The following L3MBTL4 variants were observed in gnomAD, a reference collection of about 807,000 sequenced individuals.
The protein encoded by L3MBTL4 is L3MBTL histone methyl-lysine binding protein 4.
L3MBTL4 carries 70 observed loss-of-function variants against 84.5 expected under a neutral mutation model. The observed-to-expected ratio is 0.83, with a 90% CI of 0.68 to 1.01. The LOEUF is 1.01. Among genes scored for constraint, L3MBTL4 ranks in the 50% least tolerant of loss-of-function variants. The pLI, the probability that L3MBTL4 is intolerant of heterozygous loss-of-function variation, is 0.00. For missense variants in L3MBTL4, 715 were observed against 754.8 expected, an observed-to-expected ratio of 0.95 and a Z score of 0.62; for synonymous variants, 274 against 259.8, an observed-to-expected ratio of 1.05 and a Z score of -0.52.
chr18:6,093,898 A>G (rs2058544094), intron 14 of L3MBTL4, among the ~76,000 whole-genome samples: 1 of 152,252 alleles, frequency 6.6e-6, no homozygotes, highest in Non-Finnish European at 1.5e-5. Context: ...ACTGTATCAG[A>G]AAAGACTATG....
chr18:6,333,589 A>C (rs1035734755), intron 1 of L3MBTL4, among the ~76,000 whole-genome samples: 13 of 152,090 alleles, frequency 8.5e-5, no homozygotes, highest in Non-Finnish European at 1.9e-4. Context: ...AAAAAAAAAA[A>C]ACCTAATTGT....
At chr18:6,032,670 A>T (rs1338260910) in intron 16 of L3MBTL4, among the ~76,000 whole-genome samples, 1 of 152,074 alleles carries the variant, frequency 6.6e-6, no homozygotes, top group Non-Finnish European at 1.5e-5. Context: ...ACTCTTCAAC[A>T]TGTTAAACTC....
At chr18:6,041,271 A>T (rs1475197995) in intron 16 of L3MBTL4, among the ~76,000 whole-genome samples, 1 of 152,210 alleles carries the variant, frequency 6.6e-6, no homozygotes, top group African/African-American at 2.4e-5. Flanking sequence ...GATCTACCTT[A>T]CTGCCCAGGT....
At chr18:6,145,336 T>C (rs570261033) in intron 13 of L3MBTL4, among the ~76,000 whole-genome samples, 2 of 152,314 alleles carry the variant, frequency 1.3e-5, no homozygotes, top group South Asian at 4.1e-4. Flanking sequence ...TCCTCCTCCT[T>C]CTAAGAATGT....
intron 12 of L3MBTL4, among the ~76,000 whole-genome samples, chr18:6,206,722 G>A (rs1254589794): frequency 6.6e-6 from 1 of 152,050 alleles, no homozygotes; most frequent in East Asian, 1.9e-4. Flanking sequence ...AATAAAAAGA[G>A]GGTTATCAAC....
intron 16 of L3MBTL4, among the ~76,000 whole-genome samples, chr18:5,970,822 G>T (rs573503497): frequency 2.6e-5 from 4 of 152,168 alleles, no homozygotes; most frequent in Admixed American, 2.6e-4. Flanking sequence ...AGGCTGACCT[G>T]CATGATCACA....
chr18:6,011,616 TG>T (rs927070212), intron 16 of L3MBTL4, among the ~76,000 whole-genome samples: 2 of 152,210 alleles, frequency 1.3e-5, no homozygotes, highest in African/African-American at 4.8e-5. Flanking sequence ...CCCAAGGTGT[TG>T]CCAGCATTTA....
At chr18:6,002,629 C>T (rs183199557) in intron 16 of L3MBTL4, among the ~76,000 whole-genome samples, 72 of 151,950 alleles carry the variant, frequency 4.7e-4, no homozygotes, top group Non-Finnish European at 5.9e-5. Flanking sequence ...TAAAGAGCTA[C>T]AATTTTAGGG....
chr18:6,023,503 T>C (rs1011525387), intron 16 of L3MBTL4, among the ~76,000 whole-genome samples: 1 of 152,152 alleles, frequency 6.6e-6, no homozygotes, highest in African/African-American at 2.4e-5. Flanking sequence ...TAGCTTTCTA[T>C]GAAATGAGAA....
At chr18:5,959,298 C>T (rs1284070818) in intron 18 of L3MBTL4, among the ~76,000 whole-genome samples, 1 of 152,194 alleles carries the variant, frequency 6.6e-6, no homozygotes. Flanking sequence ...CCTCACCTTC[C>T]TGGGCCTGAG....
intron 1 of L3MBTL4, among the ~76,000 whole-genome samples, chr18:6,318,620 GATTCATAAA>G (rs1356200105): frequency 1.3e-5 from 2 of 148,928 alleles, no homozygotes; most frequent in East Asian, 4.0e-4. Flanking sequence ...GGAGCTCCCA[GATTCATAAA>G]ACAATTACTA....
intron 16 of L3MBTL4, among the ~76,000 whole-genome samples, chr18:6,071,995 T>A (rs937431001): frequency 2.6e-5 from 4 of 151,956 alleles, no homozygotes; most frequent in African/African-American, 9.7e-5. Context: ...GAAATAAATA[T>A]AACAAACAAA....
intron 14 of L3MBTL4, among the ~76,000 whole-genome samples, chr18:6,124,222 T>C (rs892541445): frequency 6.6e-6 from 1 of 152,076 alleles, no homozygotes; most frequent in Non-Finnish European, 1.5e-5. Flanking sequence ...GGGATAGATG[T>C]AGAGGTTCCA....
chr18:6,049,598 A>G (rs1225556216), intron 16 of L3MBTL4, among the ~76,000 whole-genome samples: 1 of 152,256 alleles, frequency 6.6e-6, no homozygotes. Context: ...CATTATCTTA[A>G]GTGAATTAAC....
intron 5 of L3MBTL4, among the ~76,000 whole-genome samples, chr18:6,252,567 A>G (rs2047971256): frequency 6.6e-6 from 1 of 152,206 alleles, no homozygotes; most frequent in South Asian, 2.1e-4. Flanking sequence ...TTTTATTTTT[A>G]TACCCTTCTG....
intron 5 of L3MBTL4, among the ~76,000 whole-genome samples, chr18:6,254,882 G>C (rs1255037199): frequency 2.0e-5 from 3 of 152,058 alleles, no homozygotes; most frequent in Admixed American, 1.3e-4. Flanking sequence ...AACAAAGCAC[G>C]TACCGGAGCA....
At chr18:6,038,155 T>G (rs2056223793) in intron 16 of L3MBTL4, among the ~76,000 whole-genome samples, 1 of 151,756 alleles carries the variant, frequency 6.6e-6, no homozygotes, top group Non-Finnish European at 1.5e-5. Flanking sequence ...TGAGATTTAA[T>G]CAATATTGAT....
At chr18:6,369,874 C>T (rs1461236808) in intron 1 of L3MBTL4, among the ~76,000 whole-genome samples, 1 of 152,144 alleles carries the variant, frequency 6.6e-6, no homozygotes, top group Non-Finnish European at 1.5e-5. Context: ...TGGCTCACGC[C>T]TATAATCCTA....
At chr18:6,238,422 A>G (rs1365208927) in intron 9 of L3MBTL4, among the ~76,000 whole-genome samples, 3 of 151,956 alleles carry the variant, frequency 2.0e-5, no homozygotes, top group Admixed American at 1.3e-4. Context: ...AGTCCCAGCT[A>G]CTCGGGAGGC....
Sources: gnomAD v4.1 joint callset for allele counts (sites outside exome capture counted in the v4.1 genomes callset) on GRCh38, gnomAD v4.1.1 for gene constraint, MANE v1.5 for transcripts, NCBI Gene and HGNC (gene_info 2026-07-23, HGNC 2026-07-21) for gene names.